Variants in CSRNP3 observed in about 807,000 individuals in gnomAD.
CSRNP3 encodes cysteine and serine rich nuclear protein 3.
Under a neutral mutation model 48.0 loss-of-function variants are expected in CSRNP3, and 12 were observed. The observed-to-expected ratio is 0.25, with a 90% CI of 0.16 to 0.41. CSRNP3 has a LOEUF of 0.41. Ranked by LOEUF, CSRNP3 falls within the 10% of genes least tolerant of loss-of-function variation. The probability of loss-of-function intolerance (pLI) is 1.00; values close to 1 mark genes in which losing one functional copy is unlikely to be tolerated. For missense variants in CSRNP3, 580 were observed against 724.4 expected, an observed-to-expected ratio of 0.80 and a Z score of 2.29; for synonymous variants, 263 against 269.7, an observed-to-expected ratio of 0.98 and a Z score of 0.24.
chr2:165,471,355 C>T (rs1422832380), intron 1 of CSRNP3, among the ~76,000 whole-genome samples: 1 of 151,868 alleles, frequency 6.6e-6, no homozygotes, highest in African/African-American at 2.4e-5. Context: ...AATTAATCCA[C>T]CCCTCACCCC....
At chr2:165,599,814 T>C (rs1012836597) in intron 4 of CSRNP3, among the ~76,000 whole-genome samples, 4 of 152,172 alleles carry the variant, frequency 2.6e-5, no homozygotes, top group Non-Finnish European at 5.9e-5. Context: ...TATTGATAAG[T>C]CCTATTTCTT....
In CSRNP3 at chr2:165,679,278, T is replaced by A. The variant is rs1278516715; in HGVS notation, c.1283T>A (p.Phe428Tyr). 1 of 1,613,934 alleles carries A rather than the reference T, an allele frequency of 6.2e-7. No homozygotes were observed. Among genetic ancestry groups the A allele is most frequent in the Non-Finnish European group, 8.5e-7 (1 of 1,179,970 alleles). ...GAAAGCCATGCAAAGAATGCTTCTT[T>A]TTATGCCAACTCTTCAACTCTGTAT... ...VHESHAKNASFYANSSTLYYQ... is the reference protein window; with the variant it reads ...VHESHAKNASYYANSSTLYYQ... Residue 428 changes from phenylalanine (F) to tyrosine (Y), a missense_variant, in exon 7 of 7, where the codon TTT becomes TAT. Physicochemically the swap from Phe to Tyr is conservative, Grantham distance 22 (BLOSUM62 3). Around this residue, in one of 4 missense-constraint regions of CSRNP3, gnomAD observed 369 missense variants for 380.8 expected, o/e 0.97. Coordinates refer to ENST00000651982, the MANE Select transcript of CSRNP3 (RefSeq NM_001172173.2).
At chr2:165,665,656 A>T (rs1687167760) in intron 5 of CSRNP3, among the ~76,000 whole-genome samples, 1 of 151,904 alleles carries the variant, frequency 6.6e-6, no homozygotes, top group Admixed American at 6.6e-5. Flanking sequence ...GCTACTTGGA[A>T]GGTTGTGATG....
intron 2 of CSRNP3, among the ~76,000 whole-genome samples, chr2:165,496,597 C>T (rs1198120267): frequency 2.0e-5 from 3 of 151,916 alleles, no homozygotes; most frequent in Admixed American, 2.0e-4. Flanking sequence ...CTATTCATAC[C>T]CTTTCTGTGT....
chr2:165,679,981 C>T lies in CSRNP3; in HGVS notation c.*228C>T. The T allele has an allele frequency of 3.4e-6, 2 of 589,488 alleles. No homozygotes were observed. Among genetic ancestry groups the T allele is most frequent in the Non-Finnish European group, 5.6e-6 (2 of 359,414 alleles). The allele number at this position is 589,488 out of a possible 1,614,324, so 36.5% of individuals were successfully genotyped here. ...TTTCAGACTGTTTTGATAGAAAAAG[C>T]TAAATTTTAAAATGCATATCTCACA... On this transcript the variant is annotated 3_prime_UTR_variant, in exon 7 of 7. Coordinates refer to ENST00000651982, the MANE Select transcript of CSRNP3 (RefSeq NM_001172173.2).
At chr2:165,504,092 T>C (rs1386708502) in intron 2 of CSRNP3, among the ~76,000 whole-genome samples, 1 of 152,046 alleles carries the variant, frequency 6.6e-6, no homozygotes, top group Non-Finnish European at 1.5e-5. Flanking sequence ...ATTTATTTAA[T>C]TTCACATGAG....
At chr2:165,494,686 TG>T (rs1457832212) in intron 1 of CSRNP3, 72 bp from the exon 2 acceptor site, 28 of 156,272 alleles carry the variant, frequency 1.8e-4, no homozygotes, top group Non-Finnish European at 1.5e-5. Flanking sequence ...CCCCCCCAAA[TG>T]ACTTTGAGAC....
chr2:165,605,357 G>A (rs1685992033), intron 4 of CSRNP3, among the ~76,000 whole-genome samples: 1 of 151,868 alleles, frequency 6.6e-6, no homozygotes, highest in Admixed American at 6.6e-5. Context: ...CATATTTCAG[G>A]TTTCAGCTTA....
At chr2:165,594,301 G>A (rs189634849) in intron 3 of CSRNP3, among the ~76,000 whole-genome samples, 2 of 152,294 alleles carry the variant, frequency 1.3e-5, no homozygotes, top group African/African-American at 4.8e-5. Context: ...AAGAAAGTTT[G>A]TGCTCCTTAC....
intron 4 of CSRNP3, among the ~76,000 whole-genome samples, chr2:165,598,234 T>G (rs1252684923): frequency 6.6e-6 from 1 of 152,156 alleles, no homozygotes; most frequent in Non-Finnish European, 1.5e-5. Flanking sequence ...ATTTTCATGA[T>G]AGTTATGAAG....
intron 2 of CSRNP3, among the ~76,000 whole-genome samples, chr2:165,505,999 A>G (rs923784214): frequency 2.0e-5 from 3 of 152,192 alleles, no homozygotes; most frequent in Non-Finnish European, 4.4e-5. Flanking sequence ...CGAGATAGTC[A>G]GGAGTAGTCA....
intron 2 of CSRNP3, among the ~76,000 whole-genome samples, chr2:165,504,642 G>T (rs1684400258): frequency 6.6e-6 from 1 of 151,940 alleles, no homozygotes. Context: ...TTATTAATTA[G>T]AATAAAATGA....
At chr2:165,611,183 A>C (rs1336085200) in intron 4 of CSRNP3, among the ~76,000 whole-genome samples, 1 of 151,916 alleles carries the variant, frequency 6.6e-6, no homozygotes, top group East Asian at 1.9e-4. Flanking sequence ...CATGCTCAGA[A>C]TATGGGATTA....
At position 165,597,616 on chromosome 2, in the gene CSRNP3, A is replaced by G. The variant is rs558761049; in HGVS notation, c.148+2403A>G. On this transcript the variant is annotated intron_variant, in intron 4 of 6. Transcript: ENST00000651982. ...AATACTTAATATATTTAATGATGTAAAAGTATTAAACTTATTTGCTATTTA... is the reference window on the plus strand; with the variant it reads ...AATACTTAATATATTTAATGATGTAGAAGTATTAAACTTATTTGCTATTTA... 2.0e-5 allele frequency among the ~76,000 whole-genome samples: 3 copies of G among 152,244 alleles called. No individual in the cohort carries two copies. In the South Asian group the frequency reaches 6.2e-4, roughly 32 times the overall value.
chr2:165,587,136 A>T (rs1685645963), intron 3 of CSRNP3, among the ~76,000 whole-genome samples: 2 of 152,246 alleles, frequency 1.3e-5, no homozygotes, highest in Admixed American at 1.3e-4. Flanking sequence ...AGCAATGGTC[A>T]TATCTAATGT....
intron 3 of CSRNP3, among the ~76,000 whole-genome samples, chr2:165,534,245 A>T (rs1684853257): frequency 1.3e-5 from 2 of 151,998 alleles, no homozygotes; most frequent in Admixed American, 6.6e-5. Flanking sequence ...ACTAAAATTA[A>T]ATTTGCTGAA....
chr2:165,630,366 C>T (rs1686515763), intron 4 of CSRNP3, among the ~76,000 whole-genome samples: 1 of 152,108 alleles, frequency 6.6e-6, no homozygotes, highest in Non-Finnish European at 1.5e-5. Context: ...TTTATTTAGT[C>T]CCTCTGATTT....
chr2:165,546,461 GAT>G (rs1432824776), intron 3 of CSRNP3, among the ~76,000 whole-genome samples: 5 of 152,108 alleles, frequency 3.3e-5, no homozygotes, highest in African/African-American at 1.2e-4. Context: ...AAAGTGCTGG[GAT>G]TACAGGCATG....
At chr2:165,579,120 A>G (rs1162012519) in intron 3 of CSRNP3, among the ~76,000 whole-genome samples, 1 of 152,180 alleles carries the variant, frequency 6.6e-6, no homozygotes, top group Non-Finnish European at 1.5e-5. Context: ...GCTTAAACTT[A>G]TAGTTACAGA....
Sources: allele counts gnomAD v4.1 joint callset (sites outside exome capture counted in the v4.1 genomes callset), GRCh38; gene constraint gnomAD v4.1.1; regional missense constraint gnomAD v4.1.1; transcripts MANE v1.5; gene names NCBI Gene and HGNC (gene_info 2026-07-23, HGNC 2026-07-21).